Variants in CERS6 observed in about 807,000 individuals in gnomAD.
CERS6 encodes ceramide synthase 6.
A neutral mutation model predicts 56.8 loss-of-function variants in CERS6; 26 were observed. That is an observed-to-expected ratio of 0.46 (90% CI 0.34 to 0.63). CERS6 has a LOEUF of 0.63. Among genes scored for constraint, CERS6 ranks in the 30% least tolerant of loss-of-function variants. The pLI is 0.01. For missense variants in CERS6, 415 were observed against 467.5 expected, an observed-to-expected ratio of 0.89 and a Z score of 1.04; for synonymous variants, 164 against 173.3, an observed-to-expected ratio of 0.95 and a Z score of 0.42.
intron 7 of CERS6, among the ~76,000 whole-genome samples, chr2:168,715,922 C>G (rs1687216313): frequency 6.6e-6 from 1 of 152,002 alleles, no homozygotes. Flanking sequence ...GATCTGAATT[C>G]TGATTTTTTT....
intron 3 of CERS6, among the ~76,000 whole-genome samples, chr2:168,612,551 A>G (rs1286021698): frequency 6.6e-6 from 1 of 152,208 alleles, no homozygotes; most frequent in East Asian, 1.9e-4. Flanking sequence ...TAGTCTCCCT[A>G]AAGAGGTTAT....
intron 3 of CERS6, among the ~76,000 whole-genome samples, chr2:168,593,812 TAA>T (rs1683732597): frequency 6.6e-6 from 1 of 152,230 alleles, no homozygotes; most frequent in Admixed American, 6.5e-5. Context: ...TAAGTTTGCA[TAA>T]AGTTTCTAGT....
intron 4 of CERS6, among the ~76,000 whole-genome samples, chr2:168,638,736 C>A (rs1226324747): frequency 6.6e-6 from 1 of 152,106 alleles, no homozygotes; most frequent in Non-Finnish European, 1.5e-5. Context: ...CATTGAGAAG[C>A]CTTTCCTCAT....
At chr2:168,716,728 G>A (rs1026094624) in intron 7 of CERS6, among the ~76,000 whole-genome samples, 11 of 152,060 alleles carry the variant, frequency 7.2e-5, no homozygotes, top group Non-Finnish European at 1.6e-4. Flanking sequence ...AAGGTAGAAG[G>A]TACCTTTTAA....
Position 168,756,126 on chromosome 2 carries a change from G to C in CERS6, c.846-9466G>C, listed in dbSNP as rs190973571. 5.7e-4 allele frequency among the ~76,000 whole-genome samples: 87 copies of C among 152,288 alleles called. 2 individuals are homozygous for C. Among genetic ancestry groups the C allele is most frequent in the East Asian group, 1.9e-4 (1 of 5,180 alleles). On this transcript the variant is annotated intron_variant, in intron 8 of 9. Coordinates refer to ENST00000305747, the MANE Select transcript of CERS6 (RefSeq NM_203463.3). Reference sequence around the variant, plus strand: ...CTTCAGGGAGGAGCACACAAATGTAGGGAGGTTTCAGAGCCATTTCTGCCA... The same window carrying C: ...CTTCAGGGAGGAGCACACAAATGTACGGAGGTTTCAGAGCCATTTCTGCCA...
At chr2:168,525,924 G>A (rs1695063804) in intron 1 of CERS6, among the ~76,000 whole-genome samples, 1 of 152,102 alleles carries the variant, frequency 6.6e-6, no homozygotes, top group Non-Finnish European at 1.5e-5. Context: ...ATTTAATTGA[G>A]CTTTGATATT....
chr2:168,588,447 A>T (rs1683595513), intron 3 of CERS6, among the ~76,000 whole-genome samples: 1 of 151,354 alleles, frequency 6.6e-6, no homozygotes, highest in Non-Finnish European at 1.5e-5. Flanking sequence ...CATAACCCCC[A>T]CTCTACTTTG....
At chr2:168,481,275 C>A (rs959081953) in intron 1 of CERS6, among the ~76,000 whole-genome samples, 1 of 152,102 alleles carries the variant, frequency 6.6e-6, no homozygotes, top group African/African-American at 2.4e-5. Flanking sequence ...ATTTGTCAGG[C>A]GTGGTGGCTG....
chr2:168,593,688 C>T (rs1334098552), intron 3 of CERS6, among the ~76,000 whole-genome samples: 3 of 152,144 alleles, frequency 2.0e-5, no homozygotes, highest in Non-Finnish European at 4.4e-5. Context: ...GAAATTTCTT[C>T]CCCCTTTTTT....
intron 3 of CERS6, among the ~76,000 whole-genome samples, chr2:168,568,974 A>G (rs1695933688): frequency 6.6e-6 from 1 of 152,256 alleles, no homozygotes; most frequent in South Asian, 2.1e-4. Flanking sequence ...GCTAAGAAAT[A>G]CATAGCTACT....
At chr2:168,581,735 A>G (rs1683416481) in intron 3 of CERS6, among the ~76,000 whole-genome samples, 1 of 152,154 alleles carries the variant, frequency 6.6e-6, no homozygotes, top group Admixed American at 6.5e-5. Flanking sequence ...GTTGTTTTAC[A>G]ATCTGTATTT....
chr2:168,723,817 A>G (rs1386206347), intron 8 of CERS6, among the ~76,000 whole-genome samples: 1 of 152,228 alleles, frequency 6.6e-6, no homozygotes, highest in African/African-American at 2.4e-5. Context: ...AAGCCAAGAT[A>G]ATGTGTCTGT....
intron 8 of CERS6, among the ~76,000 whole-genome samples, 170 bp downstream of exon 8, chr2:168,718,148 C>G (rs994973112): frequency 3.3e-5 from 5 of 152,104 alleles, no homozygotes; most frequent in Non-Finnish European, 5.9e-5. Flanking sequence ...GGGTTGCACT[C>G]TTTACTAATG....
intron 8 of CERS6, among the ~76,000 whole-genome samples, chr2:168,760,689 T>C (rs1356788022): frequency 1.3e-5 from 2 of 152,212 alleles, no homozygotes; most frequent in East Asian, 1.9e-4. Context: ...GTTTCCTCAA[T>C]TGTAACATTC....
chr2:168,636,726 T>A lies in CERS6; in HGVS notation c.465+5684T>A, dbSNP rs115147696. On this transcript the variant is annotated intron_variant, in intron 4 of 9. Transcript: ENST00000305747. ...GCTGCTTATTGCATCTTCCTTTCCC[T>A]CTTCTACCTACATCTACCCTCTTGC... Among the ~76,000 whole-genome samples the A allele has an allele frequency of 3.5e-3, 526 of 152,312 alleles. 4 individuals carry two copies. The highest frequency in any genetic ancestry group is 0.011 in the African/African-American group (453 of 41,572).
intron 3 of CERS6, among the ~76,000 whole-genome samples, chr2:168,576,653 C>T (rs992722279): frequency 6.6e-6 from 1 of 152,168 alleles, no homozygotes; most frequent in Non-Finnish European, 1.5e-5. Flanking sequence ...TATAAACCCA[C>T]CCAGATTCAC....
rs2893100 is a variant in CERS6 at position 168,668,330 on chromosome 2, C to T, written c.466-22704C>T. Among the ~76,000 whole-genome samples the T allele has an allele frequency of 2.9e-3, 438 of 152,194 alleles. 26 individuals are homozygous for T. The East Asian group carries it at 0.075, about 26-fold the overall frequency. ...TCACCCAAGCTAGAGATCTTGGGAT[C>T]ATATTTACCTCCTCTTTATCCATTA... On this transcript the variant is annotated intron_variant, in intron 4 of 9. Transcript: ENST00000305747.
chr2:168,587,226 A>G (rs1448802539), intron 3 of CERS6, among the ~76,000 whole-genome samples: 1 of 152,148 alleles, frequency 6.6e-6, no homozygotes, highest in African/African-American at 2.4e-5. Context: ...AACAAAATAA[A>G]AGTTTATTGA....
chr2:168,547,782 G>C, intron 2 of CERS6, 81 bp downstream of exon 2: 1 of 1,003,234 alleles, frequency 1.0e-6, no homozygotes, highest in South Asian at 1.4e-5. Context: ...TCCCCTTCTG[G>C]GTTTGGAGAA....
Sources: allele counts gnomAD v4.1 joint callset (sites outside exome capture counted in the v4.1 genomes callset), GRCh38; gene constraint gnomAD v4.1.1; transcripts MANE v1.5; gene names NCBI Gene and HGNC (gene_info 2026-07-23, HGNC 2026-07-21).